Variants in SYT13 observed in about 807,000 individuals in gnomAD.
The protein encoded by SYT13 is synaptotagmin 13.
SYT13 carries 21 observed loss-of-function variants against 38.6 expected under a neutral mutation model. That is an observed-to-expected ratio of 0.54 (90% CI 0.39 to 0.78). The LOEUF (loss-of-function observed/expected upper bound fraction) is 0.78, where lower values mean the gene tolerates loss of function less well. SYT13 is among the 30% of genes least tolerant of loss of function. The pLI is 0.00. For missense variants in SYT13, 495 were observed against 548.7 expected, an observed-to-expected ratio of 0.90 and a Z score of 0.98; for synonymous variants, 241 against 237.6, an observed-to-expected ratio of 1.01 and a Z score of -0.13.
At chr11:45,276,591 A>G (rs753754409) in intron 1 of SYT13, among the ~76,000 whole-genome samples, 6 of 152,130 alleles carry the variant, frequency 3.9e-5, no homozygotes, top group Admixed American at 6.5e-5. Context: ...ATTTTTTTAA[A>G]AAAACTTGCC....
At chr11:45,282,830 T>C (rs1855089775) in intron 1 of SYT13, among the ~76,000 whole-genome samples, 1 of 152,138 alleles carries the variant, frequency 6.6e-6, no homozygotes, top group Admixed American at 6.5e-5. Context: ...GACCCTTTGG[T>C]GGGAGGTTTG....
At chr11:45,283,283 G>C (rs1192003435) in intron 1 of SYT13, among the ~76,000 whole-genome samples, 1 of 152,186 alleles carries the variant, frequency 6.6e-6, no homozygotes, top group Non-Finnish European at 1.5e-5. Flanking sequence ...TTTTTCAGCA[G>C]CCAAAACTAG....
chr11:45,285,839 C>T lies in SYT13; in HGVS notation c.183+186G>A, dbSNP rs1242699054. 10 of 641,800 alleles carry T rather than the reference C, an allele frequency of 1.6e-5. 1 individual carries two copies. Among genetic ancestry groups the T allele is most frequent in the South Asian group, 1.2e-4 (8 of 66,334 alleles). The allele number at this position is 641,800 out of a possible 1,614,324, so 39.8% of individuals were successfully genotyped here. A position where few individuals can be genotyped will look rare whatever the true frequency, so the allele number is the denominator to read the frequency against. On this transcript the variant is annotated intron_variant, in intron 1 of 5. Transcript: ENST00000020926. ...TCCTTCAGGTCTCGTCTCCCCCATC[C>T]CCTAGCCTCCCCCATCCCCCTACCT...
rs1269354852 is a variant in SYT13 at position 45,244,746 on chromosome 11, G to T, written c.977-390C>A. On this transcript the variant is annotated intron_variant, in intron 5 of 5. Coordinates refer to ENST00000020926, the MANE Select transcript of SYT13 (RefSeq NM_020826.3). ...ATGGCAGGCACTGGTCTAGAAGTGG[G>T]GATGCAGCAGAAGTTCTTGCCTCCA... 3.9e-5 allele frequency among the ~76,000 whole-genome samples: 6 copies of T among 152,178 alleles called. No homozygotes were observed. The East Asian group carries it at 1.2e-3, about 29-fold the overall frequency.
chr11:45,248,540 G>C (rs1854639027), intron 4 of SYT13, among the ~76,000 whole-genome samples: 1 of 152,188 alleles, frequency 6.6e-6, no homozygotes, highest in African/African-American at 2.4e-5. Context: ...CAAAACTTAA[G>C]TCCTGAATCC....
intron 5 of SYT13, among the ~76,000 whole-genome samples, chr11:45,246,172 G>A (rs1389633148): frequency 2.0e-5 from 3 of 152,202 alleles, no homozygotes; most frequent in African/African-American, 4.8e-5. Context: ...TGATCCAAGA[G>A]TAAATGGATG....
intron 1 of SYT13, among the ~76,000 whole-genome samples, chr11:45,285,436 G>T (rs1291306271): frequency 6.6e-6 from 1 of 152,132 alleles, no homozygotes; most frequent in East Asian, 1.9e-4. Flanking sequence ...GAGTCCTTCA[G>T]GTTCCTCCCG....
At chr11:45,250,610 T>G (rs1216722587) in intron 4 of SYT13, among the ~76,000 whole-genome samples, 2 of 152,158 alleles carry the variant, frequency 1.3e-5, no homozygotes, top group Non-Finnish European at 2.9e-5. Flanking sequence ...TCTCCCAGGA[T>G]CCCCATCTGT....
At chr11:45,264,426 C>T (rs1854857060) in intron 1 of SYT13, among the ~76,000 whole-genome samples, 1 of 152,196 alleles carries the variant, frequency 6.6e-6, no homozygotes. Flanking sequence ...CACCCACTCC[C>T]TCTGATAAAA....
At chr11:45,277,202 C>T (rs796927472) in intron 1 of SYT13, among the ~76,000 whole-genome samples, 135 of 152,064 alleles carry the variant, frequency 8.9e-4, no homozygotes, top group African/African-American at 3.3e-3. Flanking sequence ...TAGGCAAATC[C>T]ATAAAGACAA....
chr11:45,244,719 C>T (rs80202932), intron 5 of SYT13, among the ~76,000 whole-genome samples: 2,848 of 152,316 alleles, frequency 0.019, 40 homozygotes, highest in East Asian at 0.087. Flanking sequence ...AGTGCCTACC[C>T]TATGGCAGGC....
At chr11:45,250,792 C>T (rs986246892) in intron 4 of SYT13, among the ~76,000 whole-genome samples, 36 of 152,254 alleles carry the variant, frequency 2.4e-4, no homozygotes, top group Middle Eastern at 6.8e-3. Flanking sequence ...GCGGGTGAAA[C>T]GTACTCTTCC....
chr11:45,281,483 T>A (rs867263255), intron 1 of SYT13, among the ~76,000 whole-genome samples: 1 of 152,110 alleles, frequency 6.6e-6, no homozygotes, highest in African/African-American at 2.4e-5. Flanking sequence ...CTAGCCAACA[T>A]GGCAAAGCCT....
rs1854546233 is a variant in SYT13, at chr11:45,241,200, G to A, written c.*2852C>T. The A allele has an allele frequency of 6.6e-6, 1 of 152,184 alleles. No individual in the cohort carries two copies. The highest frequency in any genetic ancestry group is 6.5e-5 in the Admixed American group (1 of 15,278). 9.4% of individuals were successfully genotyped at this position (152,184 alleles called of 1,614,324 possible). The stretch of plus-strand genomic sequence containing the variant: ...CCTTTACCATTGAGAACTCAGCTAG[G>A]ACTTTAATTTTTATGCCATTTGCAG... On this transcript the variant is annotated 3_prime_UTR_variant, in exon 6 of 6. Transcript: ENST00000020926.
chr11:45,248,968 C>T (rs1266008448), intron 4 of SYT13, among the ~76,000 whole-genome samples: 1 of 152,208 alleles, frequency 6.6e-6, no homozygotes, highest in African/African-American at 2.4e-5. Flanking sequence ...CTGCCCCTCT[C>T]TTTCTCTCAG....
At chr11:45,265,597 A>G (rs142380535) in intron 1 of SYT13, among the ~76,000 whole-genome samples, 5 of 152,196 alleles carry the variant, frequency 3.3e-5, no homozygotes, top group Admixed American at 6.5e-5. Flanking sequence ...CGGTTTGCAG[A>G]GAGCCATTTT....
intron 1 of SYT13, among the ~76,000 whole-genome samples, chr11:45,262,441 T>C (rs1412611004): frequency 6.6e-6 from 1 of 152,116 alleles, no homozygotes. Context: ...ACCACTGAAC[T>C]GAGGCTGGGC....
At chr11:45,280,348 C>T (rs896785561) in intron 1 of SYT13, among the ~76,000 whole-genome samples, 2 of 151,592 alleles carry the variant, frequency 1.3e-5, no homozygotes, top group Non-Finnish European at 2.9e-5. Context: ...CAAACAGGGC[C>T]GAAGAAGCAA....
At chr11:45,262,743 A>G (rs1854833595) in intron 1 of SYT13, among the ~76,000 whole-genome samples, 1 of 127,522 alleles carries the variant, frequency 7.8e-6, no homozygotes, top group African/African-American at 2.9e-5. Flanking sequence ...ACACACACAC[A>G]CACACACACA....
Sources: gnomAD v4.1 joint callset for allele counts (sites outside exome capture counted in the v4.1 genomes callset) on GRCh38, gnomAD v4.1.1 for gene constraint, MANE v1.5 for transcripts, NCBI Gene and HGNC (gene_info 2026-07-23, HGNC 2026-07-21) for gene names.